Variants in MAN2B2 observed in about 807,000 individuals in gnomAD.
MAN2B2 encodes the protein mannosidase alpha class 2B member 2, also known as epididymis-specific alpha-mannosidase.
MAN2B2 carries 106 observed loss-of-function variants against 117.1 expected under a neutral mutation model. That is an observed-to-expected ratio of 0.90 (90% CI 0.77 to 1.06). MAN2B2 has a LOEUF of 1.06. MAN2B2 is among the 50% of genes least tolerant of loss of function. The pLI is 0.00. For synonymous variants in MAN2B2, 544 were observed against 595.1 expected (o/e 0.91, Z 1.25); for missense variants, 1,326 against 1,381.4 (o/e 0.96, Z 0.64).
intron 4 of MAN2B2, among the ~76,000 whole-genome samples, chr4:6,587,638 G>A (rs1470452293): frequency 4.6e-5 from 7 of 152,044 alleles, no homozygotes; most frequent in Admixed American, 2.0e-4. Flanking sequence ...CGCTGCCTTC[G>A]ATTGTGCCCT....
intron 10 of MAN2B2, 138 bp downstream of exon 10, chr4:6,600,894 AAG>A (rs1727302050): frequency 1.8e-6 from 2 of 1,112,368 alleles, no homozygotes; most frequent in Non-Finnish European, 2.5e-6. Context: ...AGGCTCAGAG[AAG>A]CAAAGTGGGG....
In MAN2B2 at chr4:6,614,246, G is replaced by A. The variant is rs761971154; in HGVS notation, c.2592G>A (p.Gln864=). 1 of 1,614,144 alleles carries A rather than the reference G, an allele frequency of 6.2e-7. No individual in the cohort carries two copies. Among genetic ancestry groups the A allele is most frequent in the Non-Finnish European group, 8.5e-7 (1 of 1,180,010 alleles). ...AGTAPKLPGP[Q]QQEAVTLPPN... ...CTGCGCCGAAGCTCCCAGGACCCCA[G>A]CAGCAAGAGGCCGTGACGCTGCCCC... is the stretch of plus-strand genomic sequence containing the variant. The change falls in exon 16 of 19, where the codon CAG becomes CAA. Residue 864 remains glutamine (Q), a synonymous_variant. Coordinates refer to ENST00000285599, the MANE Select transcript of MAN2B2 (RefSeq NM_015274.3).
At chr4:6,620,532 C>A in intron 18 of MAN2B2, 1 of 177,530 alleles carries the variant, frequency 5.6e-6, no homozygotes, top group Non-Finnish European at 1.2e-5. Flanking sequence ...GGATGCCTCC[C>A]CAGAGTCACC....
At chr4:6,593,461 C>T in intron 6 of MAN2B2, 111 bp downstream of exon 6, 1 of 1,114,548 alleles carries the variant, frequency 9.0e-7, no homozygotes, top group African/African-American at 1.6e-5. Flanking sequence ...GGCAGCCATG[C>T]TCAGCCCAGT....
chr4:6,605,991 A>T (rs1315826398), intron 11 of MAN2B2, among the ~76,000 whole-genome samples: 1 of 152,206 alleles, frequency 6.6e-6, no homozygotes, highest in Admixed American at 6.5e-5. Flanking sequence ...TGACCTCCCA[A>T]GAAAGACCTC....
chr4:6,621,522 T>G lies in MAN2B2; in HGVS notation c.*237T>G. ...ACTCAATCAAGCCAGCCCTCTCCTC[T>G]TCTGTCACGTAAAGGATATTTGGCA... On this transcript the variant is annotated 3_prime_UTR_variant, in exon 19 of 19. Coordinates refer to ENST00000285599, the MANE Select transcript of MAN2B2 (RefSeq NM_015274.3). The G allele has an allele frequency of 2.1e-6, 1 of 480,522 alleles. No homozygotes were observed. The highest frequency in any genetic ancestry group is 3.7e-6 in the Non-Finnish European group (1 of 267,970). The allele number at this position is 480,522 out of a possible 1,614,324, so 29.8% of individuals were successfully genotyped here. A position where few individuals can be genotyped will look rare whatever the true frequency, so the allele number is the denominator to read the frequency against.
chr4:6,608,931 T>TCC (rs993210081), intron 11 of MAN2B2, among the ~76,000 whole-genome samples, 176 bp from the exon 12 acceptor site: 3 of 152,184 alleles, frequency 2.0e-5, no homozygotes, highest in African/African-American at 4.8e-5. Context: ...GCATGGAGTC[T>TCC]AAGGCCACAC....
At position 6,598,178 on chromosome 4, in the gene MAN2B2, C is replaced by T. The variant is rs191199486; in HGVS notation, c.1249-20C>T. Reference sequence around the variant, plus strand: ...TCAGGTCCTGATCCTGTTCTTCCTCCCCTCTGGGGGTTGCTGCAGGTCCAG... The same window carrying T: ...TCAGGTCCTGATCCTGTTCTTCCTCTCCTCTGGGGGTTGCTGCAGGTCCAG... On this transcript the variant is annotated intron_variant, in intron 8 of 18. Coordinates refer to ENST00000285599, the MANE Select transcript of MAN2B2 (RefSeq NM_015274.3). The T allele has an allele frequency of 6.2e-6, 10 of 1,608,122 alleles. No homozygotes were observed. The highest frequency in any genetic ancestry group is 3.3e-5 in the Admixed American group (2 of 59,868).
At chr4:6,614,004 G>C (rs917667875) in intron 15 of MAN2B2, among the ~76,000 whole-genome samples, 1 of 152,174 alleles carries the variant, frequency 6.6e-6, no homozygotes, top group Non-Finnish European at 1.5e-5. Context: ...GGTCCTCCCA[G>C]CTCTTAAGCT....
At chr4:6,592,972 G>A (rs1486382366) in intron 5 of MAN2B2, among the ~76,000 whole-genome samples, 2 of 152,216 alleles carry the variant, frequency 1.3e-5, no homozygotes, top group East Asian at 3.8e-4. Flanking sequence ...CTGAGACCCG[G>A]GGTCTGATGG....
intron 9 of MAN2B2, among the ~76,000 whole-genome samples, chr4:6,599,886 C>A (rs758581861): frequency 5.3e-5 from 8 of 152,208 alleles, no homozygotes; most frequent in Non-Finnish European, 1.2e-4. Flanking sequence ...AGTGGCAGAA[C>A]GGGAGCTCTC....
intron 4 of MAN2B2, among the ~76,000 whole-genome samples, chr4:6,587,684 C>A (rs1726688183): frequency 6.6e-6 from 1 of 151,686 alleles, no homozygotes; most frequent in African/African-American, 2.4e-5. Flanking sequence ...CCCTACTCAT[C>A]CTTCATTTCT....
intron 3 of MAN2B2, among the ~76,000 whole-genome samples, chr4:6,579,280 CCAT>C (rs1399207457): frequency 1.9e-3 from 170 of 89,800 alleles, no homozygotes; most frequent in East Asian, 9.7e-3. Context: ...ATCACCACCA[CCAT>C]CACCATCACC....
chr4:6,585,046 C>T (rs981715349), intron 3 of MAN2B2, among the ~76,000 whole-genome samples: 2 of 152,036 alleles, frequency 1.3e-5, no homozygotes, highest in African/African-American at 2.4e-5. Context: ...CCCCTGTGCT[C>T]CCCCCACCCT....
chr4:6,597,224 TG>T lies in MAN2B2; in HGVS notation c.1170del (p.Trp391GlyfsTer41). 1 of 1,607,448 alleles carries T rather than the reference TG, an allele frequency of 6.2e-7. No homozygotes were observed. The highest frequency in any genetic ancestry group is 8.5e-7 in the Non-Finnish European group (1 of 1,176,586). Reference protein sequence around the residue: ...YAGESMFTRYLWPAPRGHLDP... With the variant: ...YAGESMFTRYXWPAPRGHLDP... The stretch of plus-strand genomic sequence containing the variant: ...GGGGAGTCCATGTTCACACGCTACC[TG>T]TGGCCGGCCCCCCGTGGGCATCTGG... On this transcript the variant is annotated frameshift_variant, in exon 8 of 19. Coordinates refer to ENST00000285599, the MANE Select transcript of MAN2B2 (RefSeq NM_015274.3). LOFTEE classifies it high-confidence loss of function.
At chr4:6,590,647 G>A (rs535622081) in intron 5 of MAN2B2, among the ~76,000 whole-genome samples, 49 of 152,306 alleles carry the variant, frequency 3.2e-4, no homozygotes, top group Admixed American at 2.7e-3. Flanking sequence ...CCTCTATCCC[G>A]CCTGGGCCTG....
chr4:6,584,845 T>C (rs1054842543), intron 3 of MAN2B2, among the ~76,000 whole-genome samples: 1 of 152,188 alleles, frequency 6.6e-6, no homozygotes, highest in South Asian at 2.1e-4. Context: ...GATTCGTCCC[T>C]TGAGGCTGGG....
chr4:6,606,325 T>C (rs1211442267), intron 11 of MAN2B2, among the ~76,000 whole-genome samples: 1 of 152,130 alleles, frequency 6.6e-6, no homozygotes, highest in Non-Finnish European at 1.5e-5. Flanking sequence ...CAGTGGCTCC[T>C]GAGGGAAAGT....
intron 15 of MAN2B2, among the ~76,000 whole-genome samples, chr4:6,611,850 G>A (rs1249020952): frequency 6.6e-6 from 1 of 152,108 alleles, no homozygotes; most frequent in African/African-American, 2.4e-5. Context: ...TCACCAGGTG[G>A]GGGTCTTTCT....
Sources: allele counts gnomAD v4.1 joint callset (sites outside exome capture counted in the v4.1 genomes callset), GRCh38; gene constraint gnomAD v4.1.1; transcripts MANE v1.5; gene names NCBI Gene and HGNC (gene_info 2026-07-23, HGNC 2026-07-21).